The following STK33 variants were observed in gnomAD, a reference collection of about 807,000 sequenced individuals.
STK33 encodes serine/threonine-protein kinase 33.
Under a neutral mutation model 58.0 loss-of-function variants are expected in STK33, and 52 were observed. That is an observed-to-expected ratio of 0.90 (90% CI 0.72 to 1.13). The LOEUF (loss-of-function observed/expected upper bound fraction) is 1.13, where lower values mean the gene tolerates loss of function less well. STK33 is among the 50% of genes most tolerant of loss of function. The pLI is 0.00. For missense variants in STK33, 630 were observed against 604.2 expected, an observed-to-expected ratio of 1.04 and a Z score of -0.45; for synonymous variants, 215 against 200.1, an observed-to-expected ratio of 1.07 and a Z score of -0.63.
At chr11:8,395,469 G>C (rs1849171772) in intron 15 of STK33, among the ~76,000 whole-genome samples, 2 of 152,108 alleles carry the variant, frequency 1.3e-5, no homozygotes, top group Admixed American at 6.5e-5. Flanking sequence ...AAATTACCCA[G>C]TATGTCTTTA....
At chr11:8,395,924 A>G (rs1174271145) in intron 15 of STK33, among the ~76,000 whole-genome samples, 9 of 152,214 alleles carry the variant, frequency 5.9e-5, no homozygotes, top group Admixed American at 5.9e-4. Context: ...AGCATACAAG[A>G]GTGCCTGTTT....
At chr11:8,397,952 G>T (rs1481345972) in intron 15 of STK33, among the ~76,000 whole-genome samples, 2 of 152,186 alleles carry the variant, frequency 1.3e-5, no homozygotes, top group Admixed American at 6.5e-5. Context: ...CAAGAAATAT[G>T]GGACCATGTG....
At chr11:8,357,197 C>G in the STK33 span, among the ~76,000 whole-genome samples, 1 of 152,252 alleles carries the variant, frequency 6.6e-6, no homozygotes, top group Non-Finnish European at 1.5e-5. Context: ...TTAAAGAATT[C>G]GTCCTCTTGC....
At chr11:8,383,499 TG>T in the STK33 span, among the ~76,000 whole-genome samples, 1 of 152,164 alleles carries the variant, frequency 6.6e-6, no homozygotes, top group Non-Finnish European at 1.5e-5. Flanking sequence ...GAGGAAGAGT[TG>T]GGCTGAAGGA....
At chr11:8,342,370 G>A in the STK33 span, among the ~76,000 whole-genome samples, 36 of 152,164 alleles carry the variant, frequency 2.4e-4, no homozygotes, top group Admixed American at 1.9e-3. Flanking sequence ...TCATTTAGTC[G>A]GAGTCTGGGT....
At chr11:8,496,302 G>A (rs1452563015) in intron 1 of STK33, among the ~76,000 whole-genome samples, 1 of 152,078 alleles carries the variant, frequency 6.6e-6, no homozygotes, top group East Asian at 1.9e-4. Context: ...TAATTCTAAT[G>A]CTGTGTATTG....
the STK33 span, among the ~76,000 whole-genome samples, chr11:8,385,237 C>T: frequency 6.6e-6 from 1 of 152,188 alleles, no homozygotes; most frequent in African/African-American, 2.4e-5. Context: ...ACTTTTGTTC[C>T]ACTTTGCATA....
At chr11:8,376,447 T>G in the STK33 span, among the ~76,000 whole-genome samples, 4 of 152,128 alleles carry the variant, frequency 2.6e-5, no homozygotes, top group Non-Finnish European at 5.9e-5. Context: ...GAGCTCTCCT[T>G]CCCCTCTTCT....
chr11:8,500,147 A>C (rs982756711), intron 1 of STK33, among the ~76,000 whole-genome samples: 2 of 152,180 alleles, frequency 1.3e-5, no homozygotes, highest in Admixed American at 6.5e-5. Flanking sequence ...ATAAGACAAG[A>C]ATATCTACTT....
chr11:8,484,985 C>T (rs75354571), intron 1 of STK33, among the ~76,000 whole-genome samples: 1 of 152,038 alleles, frequency 6.6e-6, no homozygotes, highest in Non-Finnish European at 1.5e-5. Flanking sequence ...GGATTTTTCT[C>T]TTCTAAAAGG....
intron 1 of STK33, among the ~76,000 whole-genome samples, chr11:8,538,911 C>T (rs541180925): frequency 2.4e-4 from 36 of 152,288 alleles, no homozygotes; most frequent in African/African-American, 8.4e-4. Context: ...ATGATAATTA[C>T]AGGCCAATGA....
At chr11:8,519,363 G>A (rs1038567074) in intron 1 of STK33, among the ~76,000 whole-genome samples, 15 of 152,276 alleles carry the variant, frequency 9.9e-5, no homozygotes, top group East Asian at 3.9e-4. Context: ...GAAATTTATA[G>A]CACTAAATGC....
At chr11:8,558,145 A>G (rs1956888176) in intron 1 of STK33, among the ~76,000 whole-genome samples, 1 of 152,256 alleles carries the variant, frequency 6.6e-6, no homozygotes, top group African/African-American at 2.4e-5. Flanking sequence ...CTGCAAAAAA[A>G]GGAAAAATAA....
In STK33 at chr11:8,488,718, A is replaced by T. The variant is rs549915538; in HGVS notation, c.-465-8104T>A. ...CCAAACTACTACCACTACAACCAGCAGCAACAAAACACCCTGGGGAGGGGA... is the reference window on the plus strand; with the variant it reads ...CCAAACTACTACCACTACAACCAGCTGCAACAAAACACCCTGGGGAGGGGA... On this transcript the variant is annotated intron_variant, in intron 1 of 15. Transcript: ENST00000687296. Among the ~76,000 whole-genome samples the T allele has an allele frequency of 2.6e-5, 4 of 152,314 alleles. No individual in the cohort carries two copies. In the South Asian group the frequency reaches 6.2e-4, roughly 24 times the overall value.
chr11:8,553,169 T>TAA (rs1956430016), intron 1 of STK33, among the ~76,000 whole-genome samples: 1 of 4,930 alleles, frequency 2.0e-4, no homozygotes, highest in Non-Finnish European at 4.8e-4. Context: ...AAAAATAAAA[T>TAA]ATATATATAT....
chr11:8,409,963 C>T (rs1410676887), intron 15 of STK33, among the ~76,000 whole-genome samples: 2 of 151,900 alleles, frequency 1.3e-5, no homozygotes, highest in African/African-American at 4.8e-5. Context: ...ATCCAGGCAG[C>T]CTAGATCCGA....
At chr11:8,343,703 C>G in the STK33 span, among the ~76,000 whole-genome samples, 10 of 152,132 alleles carry the variant, frequency 6.6e-5, no homozygotes, top group African/African-American at 1.4e-4. Flanking sequence ...CCTTCCCCAG[C>G]ACCCCCTCTC....
intron 15 of STK33, among the ~76,000 whole-genome samples, chr11:8,399,789 C>A (rs1850056622): frequency 6.6e-6 from 1 of 152,124 alleles, no homozygotes; most frequent in Non-Finnish European, 1.5e-5. Flanking sequence ...AAGGGGATAT[C>A]ACCACCGATC....
intron 1 of STK33, among the ~76,000 whole-genome samples, chr11:8,489,179 C>T (rs1950395343): frequency 6.8e-6 from 1 of 147,702 alleles, no homozygotes; most frequent in South Asian, 2.2e-4. Flanking sequence ...ATTACTTGAG[C>T]TCAGGAGTTT....
Sources: allele counts gnomAD v4.1 joint callset (sites outside exome capture counted in the v4.1 genomes callset), GRCh38; gene constraint gnomAD v4.1.1; transcripts MANE v1.5; gene names NCBI Gene and HGNC (gene_info 2026-07-23, HGNC 2026-07-21).